FAM83B: variants seen among roughly 807,000 people sequenced by gnomAD.
FAM83B encodes protein FAM83B.
In FAM83B, 26 loss-of-function variants were observed where a neutral mutation model predicts 38.8. That is an observed-to-expected ratio of 0.67 (90% CI 0.49 to 0.93). FAM83B has a LOEUF of 0.93. FAM83B is among the 40% of genes least tolerant of loss of function. FAM83B has a pLI of 0.00. For missense variants in FAM83B, 1,237 were observed against 1,197.3 expected (o/e 1.03, Z -0.49); for synonymous variants, 419 against 423.1 (o/e 0.99, Z 0.12).
In FAM83B at chr6:54,899,376, G is replaced by A. The variant is rs944487864; in HGVS notation, c.445-26995G>A. Among the ~76,000 whole-genome samples, 37 of 152,122 alleles carry A rather than the reference G, an allele frequency of 2.4e-4. 1 individual carries two copies. The highest frequency in any genetic ancestry group is 4.4e-5 in the Non-Finnish European group (3 of 68,020). ...GGATTCTTTTGTTGTAGTAAATGTA[G>A]CAACTCTCCATATGGATTCACAATA... On this transcript the variant is annotated intron_variant, in intron 2 of 4. Transcript: ENST00000306858.
chr6:54,927,689 T>G (rs1225940282), intron 4 of FAM83B, 57 bp downstream of exon 4: 4 of 1,160,178 alleles, frequency 3.4e-6, no homozygotes, highest in Non-Finnish European at 4.5e-6. Flanking sequence ...TTTATTAGTT[T>G]CAAATTTTAA....
intron 1 of FAM83B, among the ~76,000 whole-genome samples, chr6:54,856,502 A>C (rs1771449909): frequency 6.6e-6 from 1 of 152,196 alleles, no homozygotes; most frequent in South Asian, 2.1e-4. Flanking sequence ...AAACCAAGTG[A>C]CTGTTCATAT....
At chr6:54,903,746 C>G (rs1326375662) in intron 2 of FAM83B, among the ~76,000 whole-genome samples, 1 of 151,732 alleles carries the variant, frequency 6.6e-6, no homozygotes, top group Non-Finnish European at 1.5e-5. Context: ...TACCTTTCTA[C>G]TTGTCTGCTT....
chr6:54,864,419 T>C (rs149315748), intron 1 of FAM83B, among the ~76,000 whole-genome samples: 3 of 152,324 alleles, frequency 2.0e-5, no homozygotes, highest in Non-Finnish European at 4.4e-5. Flanking sequence ...GTAATCCATC[T>C]GTGGAGATGT....
chr6:54,941,873 A>C lies in FAM83B; in HGVS notation c.2902A>C (p.Met968Leu). The C allele has an allele frequency of 6.2e-7, 1 of 1,614,128 alleles. No individual in the cohort carries two copies. The highest frequency in any genetic ancestry group is 8.5e-7 in the Non-Finnish European group (1 of 1,180,000). The change falls in exon 5 of 5, where the codon ATG becomes CTG. Residue 968 changes from methionine (M) to leucine (L), a missense_variant. Transcript: ENST00000306858. Reference sequence around the variant, plus strand: ...TCGCCCAGAAATAAAATCTGCGACTATGGGCAACAGTTATGGCAGGTCTAG... The same window carrying C: ...TCGCCCAGAAATAAAATCTGCGACTCTGGGCAACAGTTATGGCAGGTCTAG... ...INRPEIKSAT[M>L]GNSYGRSSPL...
intron 1 of FAM83B, among the ~76,000 whole-genome samples, chr6:54,855,271 A>T (rs964346304): frequency 6.6e-6 from 1 of 152,216 alleles, no homozygotes; most frequent in Non-Finnish European, 1.5e-5. Context: ...TCAATCTCTC[A>T]TGCAGAAAAG....
intron 2 of FAM83B, among the ~76,000 whole-genome samples, chr6:54,901,824 A>C (rs2127582385): frequency 6.6e-6 from 1 of 152,300 alleles, no homozygotes; most frequent in East Asian, 1.9e-4. Flanking sequence ...ATTTAGTGAC[A>C]GGTGTGTCAT....
At chr6:54,847,419 T>G (rs1050370153) in intron 1 of FAM83B, among the ~76,000 whole-genome samples, 3 of 125,830 alleles carry the variant, frequency 2.4e-5, no homozygotes, top group Non-Finnish European at 3.5e-5. Flanking sequence ...GAGTGCAGAC[T>G]GGTAGCGACC....
chr6:54,902,463 T>C (rs1441018097), intron 2 of FAM83B, among the ~76,000 whole-genome samples: 3 of 152,180 alleles, frequency 2.0e-5, no homozygotes, highest in Non-Finnish European at 4.4e-5. Context: ...GGGGTTATGT[T>C]ATTAGGAATT....
intron 2 of FAM83B, among the ~76,000 whole-genome samples, chr6:54,893,164 C>A (rs1279665543): frequency 6.6e-6 from 1 of 152,108 alleles, no homozygotes; most frequent in East Asian, 1.9e-4. Context: ...AGGTTCCTCA[C>A]CCACATAAAC....
intron 4 of FAM83B, among the ~76,000 whole-genome samples, chr6:54,931,645 A>C (rs1048377002): frequency 1.3e-5 from 2 of 151,800 alleles, no homozygotes; most frequent in Non-Finnish European, 2.9e-5. Flanking sequence ...TACCATTTGC[A>C]TGGTGTATCT....
Position 54,870,910 on chromosome 6 carries a change from T to C in FAM83B, c.444+220T>C, listed in dbSNP as rs565693896. On this transcript the variant is annotated intron_variant, in intron 2 of 4. Transcript: ENST00000306858. ...AGGTCTCTGCTAAAGAAAAGAGATTTCCTTTTCTTAATAATGTACTCAGGA... is the reference window on the plus strand; with the variant it reads ...AGGTCTCTGCTAAAGAAAAGAGATTCCCTTTTCTTAATAATGTACTCAGGA... Among the ~76,000 whole-genome samples the C allele has an allele frequency of 2.0e-5, 3 of 152,274 alleles. No homozygotes were observed. In the South Asian group the frequency reaches 6.2e-4, roughly 32 times the overall value.
chr6:54,894,431 C>T (rs1400415288), intron 2 of FAM83B, among the ~76,000 whole-genome samples: 6 of 151,956 alleles, frequency 3.9e-5, no homozygotes, highest in Non-Finnish European at 7.4e-5. Context: ...AAATATGATA[C>T]GCATTCTGTA....
Position 54,941,264 on chromosome 6 carries a change from C to T in FAM83B, c.2293C>T (p.Pro765Ser). 6.2e-7 allele frequency: 1 copy of T among 1,610,422 alleles called. No homozygotes were observed. Among genetic ancestry groups the T allele is most frequent in the Non-Finnish European group, 8.5e-7 (1 of 1,179,054 alleles). Residue 765 changes from proline to serine, a missense_variant, in exon 5 of 5, where the codon CCA (proline) becomes TCA (serine). Pro to Ser is a moderately conservative substitution (Grantham distance 74, BLOSUM62 -1). Coordinates refer to ENST00000306858, the MANE Select transcript of FAM83B (RefSeq NM_001010872.3). ...LASKKEVKGS[P>S]SFLKKGSQKL... is the part of the protein sequence containing the mutation. ...TTCAAAGAAGGAAGTTAAGGGTTCC[C>T]CAAGTTTTTTGAAAAAGGGGTCTCA...
Position 54,940,018 on chromosome 6 carries a change from C to G in FAM83B, c.1047C>G (p.Asp349Glu). 2 of 1,613,874 alleles carry G rather than the reference C, an allele frequency of 1.2e-6. No individual in the cohort carries two copies. The highest frequency in any genetic ancestry group is 2.2e-5 in the South Asian group (2 of 91,072). The part of the protein sequence containing the change: ...NRGIYTLNEH[D>E]KYNIRSHGYK... The stretch of plus-strand genomic sequence containing the variant: ...GGATATATACTTTAAATGAACATGA[C>G]AAATATAACATAAGAAGTCACGGAT... Residue 349 changes from aspartate to glutamate, a missense_variant, in exon 5 of 5, where the codon GAC becomes GAG. Asp to Glu is a conservative substitution (Grantham distance 45). Coordinates refer to ENST00000306858, the MANE Select transcript of FAM83B (RefSeq NM_001010872.3).
At chr6:54,891,607 C>T (rs1401848681) in intron 2 of FAM83B, among the ~76,000 whole-genome samples, 2 of 152,116 alleles carry the variant, frequency 1.3e-5, no homozygotes, top group Admixed American at 6.6e-5. Flanking sequence ...GCATATTTAC[C>T]TGTGGCCCAC....
chr6:54,927,618 G>A lies in FAM83B; in HGVS notation c.720G>A (p.Met240Ile), dbSNP rs762676317. The change falls in exon 4 of 5, where the codon ATG (methionine) becomes ATA (isoleucine). Residue 240 changes from methionine (M) to isoleucine (I), a missense_variant. Coordinates refer to ENST00000306858, the MANE Select transcript of FAM83B (RefSeq NM_001010872.3). ...TGTTAGTTGACTGCCAGAAAGTGAT[G>A]TACGGTTCTTACAGGTAAGATCATT... ...KFLLVDCQKVMYGSYSYMWSF... is the reference protein window; with the variant it reads ...KFLLVDCQKVIYGSYSYMWSF... 1.1e-5 allele frequency: 18 copies of A among 1,592,408 alleles called. No homozygotes were observed. The South Asian group carries it at 2.0e-4, about 18-fold the overall frequency.
chr6:54,856,828 T>C (rs1771457807), intron 1 of FAM83B, among the ~76,000 whole-genome samples: 1 of 152,074 alleles, frequency 6.6e-6, no homozygotes, highest in Non-Finnish European at 1.5e-5. Context: ...TGATAAAGAA[T>C]TGGTAGGTAT....
chr6:54,917,329 C>T lies in FAM83B; in HGVS notation c.445-9042C>T, dbSNP rs564154031. ...TAACTAACTTAATAATTACAAAACA[C>T]GTGTTTAGAAAGATCAGATATGTTT... On this transcript the variant is annotated intron_variant, in intron 2 of 4. Coordinates refer to ENST00000306858, the MANE Select transcript of FAM83B (RefSeq NM_001010872.3). Among the ~76,000 whole-genome samples the T allele has an allele frequency of 5.9e-5, 9 of 152,202 alleles. No homozygotes were observed. The South Asian group carries it at 1.5e-3, about 25-fold the overall frequency.
Sources: gnomAD v4.1 joint callset for allele counts (sites outside exome capture counted in the v4.1 genomes callset) on GRCh38, gnomAD v4.1.1 for gene constraint, MANE v1.5 for transcripts, NCBI Gene and HGNC (gene_info 2026-07-23, HGNC 2026-07-21) for gene names.